The following KATNA1 variants were observed in gnomAD, a reference collection of about 807,000 sequenced individuals.
The protein encoded by KATNA1 is katanin catalytic subunit A1, also known as katanin p60 ATPase-containing subunit A1.
A neutral mutation model predicts 62.6 loss-of-function variants in KATNA1; 42 were observed. The ratio of observed to expected loss-of-function variants is 0.67; its 90% confidence interval spans 0.52 to 0.87. The LOEUF (loss-of-function observed/expected upper bound fraction) is 0.87. Among genes scored for constraint, KATNA1 ranks in the 40% least tolerant of loss-of-function variants. KATNA1 has a pLI of 0.00. For missense variants in KATNA1, 498 were observed against 612.5 expected, an observed-to-expected ratio of 0.81 and a Z score of 1.97; for synonymous variants, 186 against 201.9, an observed-to-expected ratio of 0.92 and a Z score of 0.67.
chr6:149,611,331 G>C (rs532791763), intron 4 of KATNA1, among the ~76,000 whole-genome samples: 4 of 151,202 alleles, frequency 2.6e-5, no homozygotes, highest in Admixed American at 2.6e-4. Flanking sequence ...GAGTGGTGGC[G>C]GGGGCCTGTA....
At chr6:149,638,726 C>CT in intron 1 of KATNA1, 166 bp from the exon 2 acceptor site, 5 of 175,276 alleles carry the variant, frequency 2.9e-5, no homozygotes, top group South Asian at 1.3e-4. Flanking sequence ...TTAAAAAAAA[C>CT]ATTGTTTTTT....
chr6:149,606,713 G>A (rs1343374714), intron 4 of KATNA1, among the ~76,000 whole-genome samples: 4 of 150,712 alleles, frequency 2.7e-5, no homozygotes, highest in Admixed American at 6.7e-5. Context: ...CTGCTTCCCC[G>A]GTTCAAGCAA....
intron 7 of KATNA1, among the ~76,000 whole-genome samples, chr6:149,598,554 C>G (rs557686064): frequency 6.6e-6 from 1 of 151,630 alleles, no homozygotes; most frequent in South Asian, 2.1e-4. Context: ...AAGACTCCAT[C>G]TCTACAGAAA....
At chr6:149,597,028 C>T (rs1177789587) in intron 10 of KATNA1, 35 bp downstream of exon 10, 1 of 1,605,006 alleles carries the variant, frequency 6.2e-7, no homozygotes, top group South Asian at 1.1e-5. Context: ...GAAGTTTATG[C>T]TTACAAAAAC....
chr6:149,622,134 T>C (rs1193195305), intron 4 of KATNA1, among the ~76,000 whole-genome samples: 1 of 38,392 alleles, frequency 2.6e-5, no homozygotes. Context: ...TTTTTTTTGT[T>C]TTTTTTTTTT....
rs10719474 is a variant in KATNA1, at chr6:149,647,521, C to CAA, written c.-14+946_-14+947dup. Among the ~76,000 whole-genome samples, 430 of 46,846 alleles carry CAA rather than the reference C, an allele frequency of 9.2e-3. 29 individuals are homozygous for CAA. The highest frequency in any genetic ancestry group is 0.015 in the South Asian group (15 of 984). 30.7% of individuals were successfully genotyped at this position (46,846 alleles called of 152,430 possible). Reference sequence around the variant, plus strand: ...CTGGCGACAGAGCAAGACTCCGTCTCAAAAAAAAAAAAAAAAAAAAAAAAA... The same window carrying CAA: ...CTGGCGACAGAGCAAGACTCCGTCTCAAAAAAAAAAAAAAAAAAAAAAAAAAA... On this transcript the variant is annotated intron_variant, in intron 1 of 10. Coordinates refer to ENST00000367411, the MANE Select transcript of KATNA1 (RefSeq NM_007044.4).
chr6:149,615,624 C>T (rs1010742922), intron 4 of KATNA1, among the ~76,000 whole-genome samples: 1 of 152,064 alleles, frequency 6.6e-6, no homozygotes, highest in Non-Finnish European at 1.5e-5. Context: ...GACAAACTGG[C>T]AGAACGGACA....
intron 7 of KATNA1, among the ~76,000 whole-genome samples, chr6:149,599,063 T>C (rs368572620): frequency 7.2e-5 from 11 of 151,812 alleles, no homozygotes; most frequent in East Asian, 5.8e-4. Context: ...TGGTGTCTTA[T>C]TATGTTGCCT....
intron 4 of KATNA1, among the ~76,000 whole-genome samples, chr6:149,612,478 C>T (rs970401734): frequency 1.3e-5 from 2 of 152,162 alleles, no homozygotes; most frequent in Admixed American, 6.5e-5. Context: ...CACTGCACTC[C>T]AGCCTGGGTG....
At chr6:149,638,310 C>T (rs544283840) in intron 2 of KATNA1, 76 bp downstream of exon 2, 12 of 1,320,886 alleles carry the variant, frequency 9.1e-6, no homozygotes, top group Middle Eastern at 3.7e-4. Flanking sequence ...TAACTACATA[C>T]AGCATTGACA....
intron 8 of KATNA1, 125 bp from the exon 9 acceptor site, chr6:149,597,766 C>T: frequency 1.2e-6 from 1 of 839,872 alleles, no homozygotes; most frequent in South Asian, 1.9e-5. Context: ...CTTAATGCCT[C>T]CTTAAGACTT....
At chr6:149,643,338 C>A (rs541868134) in intron 1 of KATNA1, among the ~76,000 whole-genome samples, 9 of 152,276 alleles carry the variant, frequency 5.9e-5, no homozygotes, top group African/African-American at 2.2e-4. Flanking sequence ...CTAAGTCATG[C>A]CCAAATTCCT....
intron 4 of KATNA1, among the ~76,000 whole-genome samples, chr6:149,622,798 TAA>T (rs1226954906): frequency 6.6e-6 from 1 of 150,712 alleles, no homozygotes; most frequent in South Asian, 2.1e-4. Flanking sequence ...TAACCTGAGG[TAA>T]AGAGTTCGAG....
intron 3 of KATNA1, among the ~76,000 whole-genome samples, chr6:149,626,749 T>C (rs9322199): frequency 0.46 from 68,621 of 150,404 alleles, 17,007 homozygotes; most frequent in East Asian, 0.82. Context: ...TTTGGGAGGC[T>C]GAGGCAGGTG....
chr6:149,611,871 C>T (rs891957649), intron 4 of KATNA1, among the ~76,000 whole-genome samples: 6 of 151,888 alleles, frequency 4.0e-5, no homozygotes, highest in Admixed American at 6.6e-5. Context: ...TGGTGGCGGG[C>T]GCCTGTAGTC....
chr6:149,637,229 T>C (rs1362827228), intron 2 of KATNA1, among the ~76,000 whole-genome samples: 2 of 151,630 alleles, frequency 1.3e-5, no homozygotes, highest in South Asian at 2.1e-4. Context: ...CTGGCAAACA[T>C]AGGGAGATCC....
At chr6:149,619,887 C>G (rs1779325794) in intron 4 of KATNA1, among the ~76,000 whole-genome samples, 2 of 152,080 alleles carry the variant, frequency 1.3e-5, no homozygotes. Context: ...AAACACTATT[C>G]ACAATAGCCA....
At chr6:149,617,508 C>G (rs1779207334) in intron 4 of KATNA1, among the ~76,000 whole-genome samples, 1 of 152,146 alleles carries the variant, frequency 6.6e-6, no homozygotes, top group South Asian at 2.1e-4. Context: ...GTGCTAAAAA[C>G]TATAAAACAC....
intron 3 of KATNA1, among the ~76,000 whole-genome samples, chr6:149,626,173 T>C (rs1485984162): frequency 3.3e-5 from 5 of 152,076 alleles, no homozygotes; most frequent in African/African-American, 2.4e-5. Context: ...AGTCGACCAA[T>C]TGCCAATGAA....
Sources: gnomAD v4.1 joint callset for allele counts (sites outside exome capture counted in the v4.1 genomes callset) on GRCh38, gnomAD v4.1.1 for gene constraint, MANE v1.5 for transcripts, NCBI Gene and HGNC (gene_info 2026-07-23, HGNC 2026-07-21) for gene names.